MAP3K20: variants seen among roughly 807,000 people sequenced by gnomAD.
MAP3K20 encodes the protein HCCS-4.
A neutral mutation model predicts 85.7 loss-of-function variants in MAP3K20; 40 were observed. The observed-to-expected ratio is 0.47, with a 90% CI of 0.36 to 0.61. The LOEUF (loss-of-function observed/expected upper bound fraction) is 0.61. Among genes scored for constraint, MAP3K20 ranks in the 20% least tolerant of loss-of-function variants. The pLI, the probability that MAP3K20 is intolerant of heterozygous loss-of-function variation, is 0.00. For synonymous variants in MAP3K20, 325 were observed against 327.7 expected (o/e 0.99, Z 0.09); for missense variants, 817 against 961.7 (o/e 0.85, Z 1.99).
intron 2 of MAP3K20, among the ~76,000 whole-genome samples, chr2:173,157,508 TTTAAAA>T (rs2106235180): frequency 6.6e-6 from 1 of 152,330 alleles, no homozygotes; most frequent in African/African-American, 2.4e-5. Flanking sequence ...TTCAGACTCT[TTTAAAA>T]TTAAATTTGC....
chr2:173,107,533 A>G (rs1408530024), intron 2 of MAP3K20, among the ~76,000 whole-genome samples: 4 of 152,170 alleles, frequency 2.6e-5, no homozygotes, highest in Admixed American at 2.0e-4. Context: ...GGACTCGCCT[A>G]TTTACATGTT....
At chr2:173,110,146 T>C (rs1477489519) in intron 2 of MAP3K20, among the ~76,000 whole-genome samples, 3 of 139,538 alleles carry the variant, frequency 2.1e-5, no homozygotes, top group African/African-American at 7.9e-5. Context: ...GAAACAGTTA[T>C]TTTAATACAA....
intron 16 of MAP3K20, among the ~76,000 whole-genome samples, chr2:173,240,765 G>A (rs568455350): frequency 6.6e-6 from 1 of 152,226 alleles, no homozygotes; most frequent in African/African-American, 2.4e-5. Context: ...CCCACTCTAG[G>A]TATATAACCA....
intron 2 of MAP3K20, among the ~76,000 whole-genome samples, chr2:173,153,481 G>A (rs1420188240): frequency 6.6e-6 from 1 of 152,106 alleles, no homozygotes; most frequent in African/African-American, 2.4e-5. Flanking sequence ...TGTTTCCCTG[G>A]TGTTCATCTG....
intron 2 of MAP3K20, among the ~76,000 whole-genome samples, chr2:173,105,984 C>G (rs1379944437): frequency 7.9e-5 from 12 of 152,070 alleles, no homozygotes; most frequent in Non-Finnish European, 1.8e-4. Flanking sequence ...ATAAATTTAA[C>G]AAAAGTCTGT....
intron 2 of MAP3K20, among the ~76,000 whole-genome samples, chr2:173,094,206 A>G (rs1230262398): frequency 6.6e-6 from 1 of 152,194 alleles, no homozygotes; most frequent in Admixed American, 6.5e-5. Flanking sequence ...AGTACGTTTT[A>G]TTCTTCCCCT....
chr2:173,164,036 T>C (rs1389337851), intron 2 of MAP3K20, among the ~76,000 whole-genome samples: 1 of 151,944 alleles, frequency 6.6e-6, no homozygotes. Flanking sequence ...CTCGGCTCAC[T>C]GCAACCTCCG....
chr2:173,223,089 G>GA, intron 11 of MAP3K20: 1 of 985,406 alleles, frequency 1.0e-6, no homozygotes, highest in Non-Finnish European at 1.2e-6. Flanking sequence ...TTTGAAGCGT[G>GA]ACGTGTTTCT....
At chr2:173,192,058 T>TA (rs1185695402) in intron 7 of MAP3K20, among the ~76,000 whole-genome samples, 1 of 152,130 alleles carries the variant, frequency 6.6e-6, no homozygotes, top group Non-Finnish European at 1.5e-5. Flanking sequence ...TCCCTGTCTT[T>TA]ACATCTCATA....
chr2:173,135,522 G>C (rs1688775678), intron 2 of MAP3K20, among the ~76,000 whole-genome samples: 1 of 152,206 alleles, frequency 6.6e-6, no homozygotes, highest in African/African-American at 2.4e-5. Context: ...GAGTTAAAAT[G>C]TGATATATTT....
In MAP3K20 at chr2:173,258,685, GTT is replaced by G. The variant is rs746923086; in HGVS notation, c.1360-10_1360-9del. ...TCACTTTCTCAAATTCTGTAATTTT[GTT>G]TTTAATTCCAGGATTGTAAGTGGAA... On this transcript the variant is annotated splice_polypyrimidine_tract_variant and intron_variant, in intron 16 of 19. Coordinates refer to ENST00000375213, the MANE Select transcript of MAP3K20 (RefSeq NM_016653.3). The G allele has an allele frequency of 8.9e-5, 119 of 1,344,074 alleles. No individual in the cohort carries two copies. In the African/African-American group the frequency reaches 1.1e-3, roughly 12 times the overall value. 83.3% of individuals were successfully genotyped at this position (1,344,074 alleles called of 1,614,324 possible).
In MAP3K20 at chr2:173,266,796, AAAAAG is replaced by A. The variant is rs764926482; in HGVS notation, c.*50_*54del. ...TTCTAAGCAGGTTAAAAAAAAAAAA[AAAAAG>A]AAATGTAATGGTTTTTGATAATATG... On this transcript the variant is annotated 3_prime_UTR_variant, in exon 20 of 20. Coordinates refer to ENST00000375213, the MANE Select transcript of MAP3K20 (RefSeq NM_016653.3). 17 of 1,363,432 alleles carry A rather than the reference AAAAAG, an allele frequency of 1.2e-5. No homozygotes were observed. In the South Asian group the frequency reaches 2.9e-4, roughly 23 times the overall value. 84.5% of individuals were successfully genotyped at this position (1,363,432 alleles called of 1,614,324 possible). A position where few individuals can be genotyped will look rare whatever the true frequency, so the allele number is the denominator to read the frequency against.
At chr2:173,260,753 T>G (rs1173697597) in intron 17 of MAP3K20, among the ~76,000 whole-genome samples, 1 of 152,256 alleles carries the variant, frequency 6.6e-6, no homozygotes, top group Non-Finnish European at 1.5e-5. Flanking sequence ...CAACTGATGC[T>G]TCAAACTTTA....
At chr2:173,236,512 C>T (rs950882117) in intron 14 of MAP3K20, among the ~76,000 whole-genome samples, 4 of 152,078 alleles carry the variant, frequency 2.6e-5, no homozygotes, top group Non-Finnish European at 5.9e-5. Context: ...CTAACACTGC[C>T]CTCAAACTCC....
At chr2:173,242,022 C>G (rs1361778659) in intron 16 of MAP3K20, among the ~76,000 whole-genome samples, 1 of 152,124 alleles carries the variant, frequency 6.6e-6, no homozygotes, top group African/African-American at 2.4e-5. Flanking sequence ...AAACAAATTG[C>G]ACATTTCAAT....
At chr2:173,175,219 T>G (rs1690118999) in intron 3 of MAP3K20, among the ~76,000 whole-genome samples, 1 of 152,206 alleles carries the variant, frequency 6.6e-6, no homozygotes, top group Admixed American at 6.5e-5. Flanking sequence ...AATAAATTAA[T>G]GGAGAGAGCA....
intron 2 of MAP3K20, among the ~76,000 whole-genome samples, chr2:173,117,576 G>A (rs1200438632): frequency 3.3e-5 from 5 of 152,064 alleles, no homozygotes; most frequent in African/African-American, 4.8e-5. Flanking sequence ...CACCACGCCT[G>A]GCCTATTTTT....
chr2:173,225,843 G>A (rs1436007151), intron 11 of MAP3K20: 1 of 984,114 alleles, frequency 1.0e-6, no homozygotes, highest in Non-Finnish European at 1.2e-6. Context: ...AATGCTGGTG[G>A]CAACTTGATG....
At chr2:173,182,278 T>C (rs141608460) in intron 3 of MAP3K20, among the ~76,000 whole-genome samples, 1 of 152,334 alleles carries the variant, frequency 6.6e-6, no homozygotes, top group East Asian at 1.9e-4. Flanking sequence ...GGAAAGGTTC[T>C]AAGACTGGAT....
Sources: allele counts gnomAD v4.1 joint callset (sites outside exome capture counted in the v4.1 genomes callset), GRCh38; gene constraint gnomAD v4.1.1; transcripts MANE v1.5; gene names NCBI Gene and HGNC (gene_info 2026-07-23, HGNC 2026-07-21).